Variants in INO80 observed in about 807,000 individuals in gnomAD.
INO80 encodes chromatin-remodeling ATPase INO80.
Under a neutral mutation model 203.4 loss-of-function variants are expected in INO80, and 20 were observed. The observed-to-expected ratio is 0.10, with a 90% CI of 0.07 to 0.14. The LOEUF (loss-of-function observed/expected upper bound fraction) is 0.14, where lower values mean the gene tolerates loss of function less well. Among genes scored for constraint, INO80 ranks in the 10% least tolerant of loss-of-function variants. The pLI is 1.00. For missense variants in INO80, 1,419 were observed against 1,914.4 expected, an observed-to-expected ratio of 0.74 and a Z score of 4.83; for synonymous variants, 726 against 685.2, an observed-to-expected ratio of 1.06 and a Z score of -0.93.
intron 16 of INO80, 67 bp downstream of exon 16, chr15:41,058,572 T>TGC (rs1555403744): frequency 2.0e-4 from 33 of 166,988 alleles, no homozygotes; most frequent in Middle Eastern, 2.3e-3. Context: ...TGTGTGTGCG[T>TGC]GTGTGTGTGT....
At chr15:41,115,335 G>A (rs985857497) in intron 1 of INO80, among the ~76,000 whole-genome samples, 3 of 152,150 alleles carry the variant, frequency 2.0e-5, no homozygotes, top group African/African-American at 7.2e-5. Flanking sequence ...TTCCATTAGC[G>A]AGCTCAAGAA....
chr15:41,070,560 A>T lies in INO80; in HGVS notation c.1606-13T>A. The T allele has an allele frequency of 6.2e-7, 1 of 1,605,732 alleles. No homozygotes were observed. Among genetic ancestry groups the T allele is most frequent in the East Asian group, 2.2e-5 (1 of 44,824 alleles). On this transcript the variant is annotated splice_polypyrimidine_tract_variant and intron_variant, in intron 12 of 35. Coordinates refer to ENST00000648947, the MANE Select transcript of INO80 (RefSeq NM_017553.3). ...TGCCATTAATACCCTGGGGAAAAAA[A>T]ATACATGGTCAACACCTCATGCATT...
At chr15:41,005,991 A>C (rs2044035268) in intron 27 of INO80, among the ~76,000 whole-genome samples, 1 of 150,704 alleles carries the variant, frequency 6.6e-6, no homozygotes, top group Non-Finnish European at 1.5e-5. Context: ...TCCACAAACC[A>C]AAATAGTTTT....
chr15:40,986,264 A>T (rs2043731105), intron 31 of INO80, among the ~76,000 whole-genome samples: 1 of 151,454 alleles, frequency 6.6e-6, no homozygotes, highest in South Asian at 2.1e-4. Context: ...CATTATTTGA[A>T]GCCACATTTA....
intron 1 of INO80, among the ~76,000 whole-genome samples, chr15:41,113,328 T>A (rs1241950986): frequency 6.6e-6 from 1 of 152,046 alleles, no homozygotes; most frequent in Non-Finnish European, 1.5e-5. Context: ...GTGCAGTGGC[T>A]CAATCTCGGC....
At chr15:41,039,620 T>C (rs555606255) in intron 24 of INO80, among the ~76,000 whole-genome samples, 2 of 152,210 alleles carry the variant, frequency 1.3e-5, no homozygotes, top group South Asian at 4.1e-4. Flanking sequence ...CCTAGAGCAA[T>C]GAAAAAAGAA....
chr15:41,068,895 A>G (rs1015029781), intron 14 of INO80, among the ~76,000 whole-genome samples: 41 of 152,216 alleles, frequency 2.7e-4, no homozygotes, highest in Non-Finnish European at 5.9e-5. Context: ...TATTAAAAAA[A>G]AGAAATGAAT....
intron 25 of INO80, among the ~76,000 whole-genome samples, chr15:41,023,938 G>C (rs1398819698): frequency 6.6e-6 from 1 of 151,724 alleles, no homozygotes; most frequent in Non-Finnish European, 1.5e-5. Context: ...TATACATAAA[G>C]ACTCTGGGCT....
chr15:41,090,925 CTTTT>C (rs60647460), intron 5 of INO80, among the ~76,000 whole-genome samples: 5 of 124,478 alleles, frequency 4.0e-5, no homozygotes, highest in African/African-American at 6.3e-5. Flanking sequence ...TTTAGAAATT[CTTTT>C]TTTTTTTTTT....
intron 28 of INO80, 72 bp from the exon 29 acceptor site, chr15:40,997,673 T>A: frequency 3.9e-5 from 35 of 898,204 alleles, no homozygotes; most frequent in Non-Finnish European, 6.0e-5. Context: ...TAGAGAGAGA[T>A]CTCTGAATAC....
At chr15:40,983,615 C>A in intron 34 of INO80, 147 bp downstream of exon 34, 1 of 707,816 alleles carries the variant, frequency 1.4e-6, no homozygotes, top group African/African-American at 1.8e-5. Context: ...TTTTGCTTTC[C>A]CTAAACCTCG....
chr15:41,023,235 A>C (rs763277061), intron 25 of INO80: 5 of 455,402 alleles, frequency 1.1e-5, no homozygotes, highest in African/African-American at 2.0e-5. Flanking sequence ...CAGGAATACA[A>C]AGCAGGTGGA....
At chr15:41,070,573 C>T (rs774131349) in intron 12 of INO80, 26 bp from the exon 13 acceptor site, 3 of 1,541,170 alleles carry the variant, frequency 1.9e-6, no homozygotes, top group South Asian at 2.2e-5. Flanking sequence ...ACATGGTCAA[C>T]ACCTCATGCA....
rs371784387 is a variant in INO80, at chr15:41,058,551, C to CTG, written c.1985+86_1985+87dup. 2.1e-3 allele frequency: 1,846 copies of CTG among 870,046 alleles called. 1 individual carries two copies. The highest frequency in any genetic ancestry group is 2.6e-3 in the African/African-American group (146 of 55,992). The allele number at this position is 870,046 out of a possible 1,614,324, so 53.9% of individuals were successfully genotyped here. The stretch of plus-strand genomic sequence containing the variant: ...CTTGATTTTATTCATATATACAAGT[C>CTG]TGTGTGTGTGTGTGTGTGCGTGTGT... On this transcript the variant is annotated intron_variant, in intron 16 of 35. Transcript: ENST00000648947.
intron 16 of INO80, among the ~76,000 whole-genome samples, chr15:41,057,469 A>AG (rs900246132): frequency 4.0e-5 from 6 of 151,026 alleles, no homozygotes; most frequent in African/African-American, 1.5e-4. Context: ...CTCAAAAAAA[A>AG]AAAAAAAAGA....
intron 1 of INO80, among the ~76,000 whole-genome samples, chr15:41,101,057 T>C (rs953094120): frequency 6.6e-6 from 1 of 152,042 alleles, no homozygotes; most frequent in African/African-American, 2.4e-5. Flanking sequence ...CTCAAACGCC[T>C]GGCATCAAGT....
At chr15:41,047,648 C>A in intron 22 of INO80, 147 bp from the exon 23 acceptor site, 1 of 597,174 alleles carries the variant, frequency 1.7e-6, no homozygotes, top group South Asian at 2.0e-5. Flanking sequence ...AGTTAGGGTG[C>A]CACACCTTTA....
intron 14 of INO80, among the ~76,000 whole-genome samples, chr15:41,067,436 A>G (rs542577966): frequency 8.5e-5 from 13 of 152,330 alleles, no homozygotes; most frequent in Non-Finnish European, 1.8e-4. Flanking sequence ...ATGAAAAAAA[A>G]AGCAGAAAAA....
At chr15:41,052,847 C>T (rs1461389624) in intron 19 of INO80, among the ~76,000 whole-genome samples, 1 of 124,794 alleles carries the variant, frequency 8.0e-6, no homozygotes, top group East Asian at 2.2e-4. Context: ...CATGGCAAAA[C>T]TGGTCGCTAC....
Sources: gnomAD v4.1 joint callset for allele counts (sites outside exome capture counted in the v4.1 genomes callset) on GRCh38, gnomAD v4.1.1 for gene constraint, MANE v1.5 for transcripts, NCBI Gene and HGNC (gene_info 2026-07-23, HGNC 2026-07-21) for gene names.